HSD11B1: variants seen among roughly 807,000 people sequenced by gnomAD.
HSD11B1 encodes 11-beta-hydroxysteroid dehydrogenase 1.
Under a neutral mutation model 22.1 loss-of-function variants are expected in HSD11B1, and 15 were observed. The observed-to-expected ratio is 0.68, with a 90% CI of 0.45 to 1.04. HSD11B1 has a LOEUF of 1.04. Among genes scored for constraint, HSD11B1 ranks in the 50% least tolerant of loss-of-function variants. HSD11B1 has a pLI of 0.00. For missense variants in HSD11B1, 281 were observed against 357.6 expected (o/e 0.79, Z 1.73); for synonymous variants, 122 against 125.2 (o/e 0.97, Z 0.17).
intron 5 of HSD11B1, among the ~76,000 whole-genome samples, chr1:209,732,808 T>C (rs564229654): frequency 6.7e-6 from 1 of 150,184 alleles, no homozygotes; most frequent in South Asian, 2.1e-4. Context: ...AGTGTTCTCA[T>C]TGTTCAATTC....
At chr1:209,688,946 G>C (rs2076743452) in intron 1 of HSD11B1, among the ~76,000 whole-genome samples, 1 of 152,218 alleles carries the variant, frequency 6.6e-6, no homozygotes, top group Non-Finnish European at 1.5e-5. Context: ...GAGTCTGAGT[G>C]CTCATGATGG....
rs781588623 is a variant in HSD11B1, at chr1:209,706,799, G to T, written c.310G>T (p.Ala104Ser). 1 of 1,613,952 alleles carries T rather than the reference G, an allele frequency of 6.2e-7. No individual in the cohort carries two copies. Among genetic ancestry groups the T allele is most frequent in the Non-Finnish European group, 8.5e-7 (1 of 1,179,940 alleles). ...EDMTFAEQFV[A>S]QAGKLMGGLD... ...CATGACCTTCGCAGAGCAATTTGTT[G>T]CCCAAGCAGGAAAGCTCATGGGTGA... Residue 104 changes from alanine to serine, a missense_variant, in exon 3 of 6, where the codon GCC (alanine) becomes TCC (serine). Ala to Ser is a moderately conservative substitution (Grantham distance 99, BLOSUM62 1). Coordinates refer to ENST00000367027, the MANE Select transcript of HSD11B1 (RefSeq NM_005525.4). This position sits in a 1 kb window ranked among gnomAD's most constrained non-coding sequence, Gnocchi z 4.0.
At chr1:209,708,969 G>T (rs980425919) in intron 4 of HSD11B1, among the ~76,000 whole-genome samples, 2 of 152,172 alleles carry the variant, frequency 1.3e-5, no homozygotes, top group Admixed American at 6.6e-5. Flanking sequence ...ACCTGTCTAT[G>T]AACTTGCAAA....
rs765302955 is a variant in HSD11B1 at position 209,734,558 on chromosome 1, G to A, written c.*37G>A. On this transcript the variant is annotated 3_prime_UTR_variant, in exon 6 of 6. Transcript: ENST00000367027. ...GGGCTGGGCATGCTGAGGGATTTTGGGACTGTTCTGTCTCATGTTTATCTG... is the reference window on the plus strand; with the variant it reads ...GGGCTGGGCATGCTGAGGGATTTTGAGACTGTTCTGTCTCATGTTTATCTG... 4 of 1,446,830 alleles carry A rather than the reference G, an allele frequency of 2.8e-6. No homozygotes were observed. In the African/African-American group the frequency reaches 5.6e-5, roughly 20 times the overall value. 89.6% of individuals were successfully genotyped at this position (1,446,830 alleles called of 1,614,324 possible). A position where few individuals can be genotyped will look rare whatever the true frequency, so the allele number is the denominator to read the frequency against.
chr1:209,733,853 A>G (rs1345073816), intron 5 of HSD11B1, among the ~76,000 whole-genome samples: 1 of 152,138 alleles, frequency 6.6e-6, no homozygotes, highest in East Asian at 1.9e-4. Flanking sequence ...GTGACAAGGG[A>G]GCAAAAGCCT....
At chr1:209,714,813 A>G (rs2076920194) in intron 4 of HSD11B1, among the ~76,000 whole-genome samples, 1 of 152,226 alleles carries the variant, frequency 6.6e-6, no homozygotes, top group Non-Finnish European at 1.5e-5. Context: ...GCAGGATGGG[A>G]CAGGTTTGTG....
At chr1:209,728,986 T>A (rs2077019618) in intron 4 of HSD11B1, among the ~76,000 whole-genome samples, 1 of 152,192 alleles carries the variant, frequency 6.6e-6, no homozygotes. Flanking sequence ...ATGGGCTGCA[T>A]AGAAGTGAGG....
intron 1 of HSD11B1, among the ~76,000 whole-genome samples, chr1:209,692,611 G>GGGGGGT (rs2076767504): frequency 8.4e-6 from 1 of 119,056 alleles, no homozygotes; most frequent in Non-Finnish European, 1.8e-5. Context: ...AAATGGCGGG[G>GGGGGGT]GGGGGGGTGG....
intron 1 of HSD11B1, among the ~76,000 whole-genome samples, chr1:209,697,275 T>C (rs188399748): frequency 6.6e-6 from 1 of 152,360 alleles, no homozygotes; most frequent in African/African-American, 2.4e-5. Context: ...GTGCAAAGAA[T>C]GTTCTACAAA....
intron 4 of HSD11B1, among the ~76,000 whole-genome samples, chr1:209,724,961 G>A (rs1165530588): frequency 6.6e-6 from 1 of 151,926 alleles, no homozygotes. Context: ...AAAGCTATGG[G>A]AAAAAAATGG....
At chr1:209,726,078 C>T (rs2076999082) in intron 4 of HSD11B1, among the ~76,000 whole-genome samples, 1 of 151,866 alleles carries the variant, frequency 6.6e-6, no homozygotes, top group Non-Finnish European at 1.5e-5. Flanking sequence ...GTCAAGAGAT[C>T]AAGACCATCC....
intron 1 of HSD11B1, among the ~76,000 whole-genome samples, chr1:209,705,514 T>C (rs2076852318): frequency 6.6e-6 from 1 of 152,190 alleles, no homozygotes; most frequent in Non-Finnish European, 1.5e-5. Context: ...CAGAAATGTC[T>C]GGAACTCCAG....
At position 209,696,239 on chromosome 1, in the gene HSD11B1, T is replaced by C. The variant is rs138391159; in HGVS notation, c.-48-8656T>C. ...TGTAAATGGGCACAAGAAATCTTTT[T>C]GGGAGATGGAAATGTTCTAAATTAG... is the stretch of plus-strand genomic sequence containing the variant. On this transcript the variant is annotated intron_variant, in intron 1 of 6. Transcript: ENST00000261465. 4.5e-3 allele frequency among the ~76,000 whole-genome samples: 691 copies of C among 152,334 alleles called. 5 individuals carry two copies. The highest frequency in any genetic ancestry group is 0.015 in the African/African-American group (642 of 41,576).
intron 4 of HSD11B1, among the ~76,000 whole-genome samples, chr1:209,719,207 T>C (rs1341618094): frequency 1.3e-5 from 2 of 152,094 alleles, no homozygotes; most frequent in African/African-American, 2.4e-5. Flanking sequence ...AATGGAATAT[T>C]ATTCAATCTT....
Position 209,734,454 on chromosome 1 carries a change from C to A in HSD11B1, c.812C>A (p.Pro271Gln), listed in dbSNP as rs758232776. The A allele has an allele frequency of 2.5e-6, 4 of 1,613,952 alleles. No homozygotes were observed. The highest frequency in any genetic ancestry group is 3.4e-6 in the Non-Finnish European group (4 of 1,179,978). ...TGGACCACTCTTCTGATCAGAAATC[C>A]ATGCAGGAAGATCCTGGAATTTCTC... is the stretch of plus-strand genomic sequence containing the variant. ...SLWTTLLIRN[P>Q]CRKILEFLYS... The change falls in exon 6 of 6, where the codon CCA (proline) becomes CAA (glutamine). Residue 271 changes from proline to glutamine, a missense_variant. Pro to Gln is a moderately conservative substitution (Grantham distance 76, BLOSUM62 -1). Coordinates refer to ENST00000367027, the MANE Select transcript of HSD11B1 (RefSeq NM_005525.4).
At chr1:209,709,517 T>C (rs1243866041) in intron 4 of HSD11B1, among the ~76,000 whole-genome samples, 1 of 152,172 alleles carries the variant, frequency 6.6e-6, no homozygotes, top group African/African-American at 2.4e-5. Flanking sequence ...TTACAATGGC[T>C]TAAGCAAATC....
At chr1:209,694,998 G>A (rs954373622) in intron 1 of HSD11B1, among the ~76,000 whole-genome samples, 1 of 152,186 alleles carries the variant, frequency 6.6e-6, no homozygotes, top group Admixed American at 6.5e-5. Flanking sequence ...GGACCTGGTG[G>A]GAGGTGACTG....
chr1:209,704,526 C>G (rs992482574), upstream of HSD11B1, among the ~76,000 whole-genome samples: 1 of 152,070 alleles, frequency 6.6e-6, no homozygotes, highest in African/African-American at 2.4e-5. Context: ...CATTTCCCCC[C>G]AGAAGCCCTA....
chr1:209,697,489 C>T (rs1445817193), intron 1 of HSD11B1, among the ~76,000 whole-genome samples: 1 of 152,222 alleles, frequency 6.6e-6, no homozygotes, highest in Non-Finnish European at 1.5e-5. Context: ...CATTAGCGCA[C>T]TGGTAATGTC....
Sources: allele counts gnomAD v4.1 joint callset (sites outside exome capture counted in the v4.1 genomes callset), GRCh38; gene constraint gnomAD v4.1.1; non-coding constraint Gnocchi (gnomAD v3.1); transcripts MANE v1.5; gene names NCBI Gene and HGNC (gene_info 2026-07-23, HGNC 2026-07-21).